The following PAXIP1 variants were observed in gnomAD, a reference collection of about 807,000 sequenced individuals.
PAXIP1 encodes the protein PAX interacting protein 1.
In PAXIP1, 19 loss-of-function variants were observed where a neutral mutation model predicts 140.6. The ratio of observed to expected loss-of-function variants is 0.14; its 90% CI spans 0.09 to 0.20. PAXIP1 has a LOEUF of 0.20. Ranked by LOEUF, PAXIP1 falls within the 10% of genes least tolerant of loss-of-function variation. The pLI, the probability that PAXIP1 is intolerant of heterozygous loss-of-function variation, is 1.00. For synonymous variants in PAXIP1, 442 were observed against 444.6 expected, an observed-to-expected ratio of 0.99 and a Z score of 0.07; for missense variants, 920 against 1,208.6, an observed-to-expected ratio of 0.76 and a Z score of 3.54.
chr7:154,962,579 G>T, intron 9 of PAXIP1, 121 bp from the exon 10 acceptor site: 1 of 784,118 alleles, frequency 1.3e-6, no homozygotes, highest in Non-Finnish European at 2.0e-6. Flanking sequence ...AGAATTTCAT[G>T]ACATCTAGCA....
At chr7:154,955,962 A>C (rs1808492677) in intron 14 of PAXIP1, among the ~76,000 whole-genome samples, 1 of 152,326 alleles carries the variant, frequency 6.6e-6, no homozygotes, top group East Asian at 1.9e-4. Flanking sequence ...GTTGCTTCTA[A>C]ACATCACTGA....
At chr7:154,998,067 T>C (rs560850108) in intron 2 of PAXIP1, among the ~76,000 whole-genome samples, 4 of 152,322 alleles carry the variant, frequency 2.6e-5, no homozygotes, top group Admixed American at 2.0e-4. Context: ...TGGGACGAGT[T>C]CTGCAGCAGG....
chr7:154,960,411 G>A (rs1231979422), intron 12 of PAXIP1, among the ~76,000 whole-genome samples: 4 of 152,186 alleles, frequency 2.6e-5, no homozygotes, highest in Non-Finnish European at 5.9e-5. Flanking sequence ...GGAAAGCAGG[G>A]AATGTTCTGT....
chr7:154,999,809 T>G (rs890145993), intron 1 of PAXIP1, among the ~76,000 whole-genome samples: 11 of 151,972 alleles, frequency 7.2e-5, no homozygotes. Context: ...TCATCAGCAT[T>G]GTTACATAGA....
Position 154,976,102 on chromosome 7 carries a change from G to T in PAXIP1, c.668C>A (p.Ser223Tyr). Residue 223 changes from serine to tyrosine, a missense_variant, in exon 6 of 21, where the codon TCT (serine) becomes TAT (tyrosine). Ser to Tyr is a moderately radical substitution (Grantham distance 144, BLOSUM62 -2). Transcript: ENST00000404141. ...GTCACCTGAAGGAGACCCTTCTTGA[G>T]AGCTGGCAGGGCTTGACTTCTCATC... Reference protein sequence around the residue: ...STDEKSSPASSQEGSPSGDQQ... With the variant: ...STDEKSSPASYQEGSPSGDQQ... 6.4e-7 allele frequency: 1 copy of T among 1,572,748 alleles called. No individual in the cohort carries two copies. The highest frequency in any genetic ancestry group is 8.6e-7 in the Non-Finnish European group (1 of 1,157,416).
At chr7:154,974,267 T>C (rs939339026) in intron 6 of PAXIP1, 4 of 152,222 alleles carry the variant, frequency 2.6e-5, no homozygotes, top group Non-Finnish European at 5.9e-5. Flanking sequence ...TCCAACTCTA[T>C]GTCCTCTTAA....
Position 154,973,001 on chromosome 7 carries a change from C to T in PAXIP1, c.1074+2695G>A, listed in dbSNP as rs1210474544. The stretch of plus-strand genomic sequence containing the variant: ...GAGGCTGTGCCCTGTGGCTTTATCC[C>T]GCCCACCTGCCTGGACGCGGATGTG... On this transcript the variant is annotated intron_variant, in intron 6 of 20. Coordinates refer to ENST00000404141, the MANE Select transcript of PAXIP1 (RefSeq NM_007349.4). This position sits in a 1 kb window ranked among gnomAD's most constrained non-coding sequence, Gnocchi z 4.0. 2.0e-5 allele frequency among the ~76,000 whole-genome samples: 3 copies of T among 152,348 alleles called. No homozygotes were observed. The highest frequency in any genetic ancestry group is 4.1e-4 in the South Asian group (2 of 4,830).
rs568243130 is a variant in PAXIP1 at position 154,975,280 on chromosome 7, A to G, written c.1074+416T>C. Reference sequence around the variant, plus strand: ...CCTGAAATCAAGCCTTCCTCAACAAATGCATGAATTTGTGTTATTTATTTA... The same window carrying G: ...CCTGAAATCAAGCCTTCCTCAACAAGTGCATGAATTTGTGTTATTTATTTA... On this transcript the variant is annotated intron_variant, in intron 6 of 20. Transcript: ENST00000404141. Among the ~76,000 whole-genome samples, 24 of 152,298 alleles carry G rather than the reference A, an allele frequency of 1.6e-4. No individual in the cohort carries two copies. In the South Asian group the frequency reaches 2.9e-3, roughly 18 times the overall value.
At chr7:154,974,574 G>A (rs554707104) in intron 6 of PAXIP1, 1 of 152,296 alleles carries the variant, frequency 6.6e-6, no homozygotes, top group Non-Finnish European at 1.5e-5. Flanking sequence ...ATTCAACCCT[G>A]ATCTAAGTCA....
intron 4 of PAXIP1, among the ~76,000 whole-genome samples, chr7:154,985,596 G>A (rs1162666996): frequency 6.6e-6 from 1 of 152,156 alleles, no homozygotes; most frequent in Non-Finnish European, 1.5e-5. Context: ...ACAACTATCT[G>A]CTTGCTTATC....
At chr7:154,996,626 T>C (rs949447789) in intron 2 of PAXIP1, among the ~76,000 whole-genome samples, 5 of 152,170 alleles carry the variant, frequency 3.3e-5, no homozygotes, top group South Asian at 2.1e-4. Context: ...ATGATATCAA[T>C]CTGTAATTGC....
Position 154,969,024 on chromosome 7 carries a change from T to C in PAXIP1, c.1177A>G (p.Lys393Glu), listed in dbSNP as rs1313967211. 6.5e-7 allele frequency: 1 copy of C among 1,550,274 alleles called. No individual in the cohort carries two copies. Among genetic ancestry groups the C allele is most frequent in the Non-Finnish European group, 8.7e-7 (1 of 1,146,312 alleles). Residue 393 changes from lysine (K) to glutamate (E), a missense_variant, in exon 7 of 21, where the codon AAA becomes GAA. Coordinates refer to ENST00000404141, the MANE Select transcript of PAXIP1 (RefSeq NM_007349.4). The part of the protein sequence containing the change: ...NANAVLFSQV[K>E]VTPETHMLQQ... ...AGCATGTGTGTCTCTGGAGTCACTT[T>C]CACTTGGCTAAACAGCACTGCATTG... is the stretch of plus-strand genomic sequence containing the variant.
chr7:154,981,420 C>G (rs1809838291), intron 5 of PAXIP1, among the ~76,000 whole-genome samples: 1 of 152,088 alleles, frequency 6.6e-6, no homozygotes, highest in Non-Finnish European at 1.5e-5. Context: ...TCATGTAAAA[C>G]TGGGAAATTA....
rs902433425 is a variant in PAXIP1 at position 154,973,497 on chromosome 7, C to A, written c.1074+2199G>T. On this transcript the variant is annotated intron_variant, in intron 6 of 20. Transcript: ENST00000404141. The surrounding 1 kb of genome is among the most constrained non-coding windows in gnomAD (Gnocchi z 4.0). ...CAAACCCGATGACCTTCTCTCTCTG[C>A]TCACCTTCTCCCCCACCATCTTAAC... Among the ~76,000 whole-genome samples the A allele has an allele frequency of 6.6e-6, 1 of 152,190 alleles. No homozygotes were observed. Among genetic ancestry groups the A allele is most frequent in the East Asian group, 1.9e-4 (1 of 5,182 alleles).
At chr7:154,983,362 C>G (rs1223648319) in intron 4 of PAXIP1, 30 bp from the exon 5 acceptor site, 2 of 1,090,830 alleles carry the variant, frequency 1.8e-6, no homozygotes, top group Non-Finnish European at 2.8e-6. Context: ...AAGGCTTTTA[C>G]CATACATTTC....
intron 4 of PAXIP1, among the ~76,000 whole-genome samples, chr7:154,984,643 G>C (rs1809989057): frequency 6.6e-6 from 1 of 152,170 alleles, no homozygotes; most frequent in African/African-American, 2.4e-5. Context: ...GTAAGTCAAT[G>C]TCACATTTCA....
chr7:154,960,093 G>C (rs1808692914), intron 12 of PAXIP1, among the ~76,000 whole-genome samples, 160 bp from the exon 13 acceptor site: 1 of 152,226 alleles, frequency 6.6e-6, no homozygotes. Context: ...TTTAAAGAAA[G>C]CTTTCCAGGC....
At chr7:154,951,706 TAAAAC>T (rs1808279442) in intron 16 of PAXIP1, 1 of 152,184 alleles carries the variant, frequency 6.6e-6, no homozygotes, top group African/African-American at 2.4e-5. Context: ...TATATACAGA[TAAAAC>T]AACCACATTT....
rs1212176789 is a variant in PAXIP1, at chr7:154,982,987, C to T, written c.438+232G>A. 7.1e-5 allele frequency among the ~76,000 whole-genome samples: 10 copies of T among 140,172 alleles called. No homozygotes were observed. In the East Asian group the frequency reaches 8.0e-4, roughly 11 times the overall value. The allele number at this position is 140,172 out of a possible 152,430, so 92.0% of individuals were successfully genotyped here. On this transcript the variant is annotated intron_variant, in intron 5 of 20. Transcript: ENST00000404141. ...AGATTAATAAAATTTTCCTGTTTTC[C>T]GCATAAAATGAAGCAAAATTTCATA...
Sources: gnomAD v4.1 joint callset for allele counts (sites outside exome capture counted in the v4.1 genomes callset) on GRCh38, gnomAD v4.1.1 for gene constraint, Gnocchi (gnomAD v3.1) non-coding constraint, MANE v1.5 for transcripts, NCBI Gene and HGNC (gene_info 2026-07-23, HGNC 2026-07-21) for gene names.